Variants in BRD10 observed in about 807,000 individuals in gnomAD.
BRD10 encodes the protein uncharacterized bromodomain-containing protein 10.
the BRD10 span, among the ~76,000 whole-genome samples, chr9:5,941,423 G>T: frequency 2.0e-5 from 3 of 151,936 alleles, no homozygotes; most frequent in African/African-American, 7.3e-5. Flanking sequence ...AAAACTAAAG[G>T]GCTTTGTCAA....
At chr9:5,957,937 A>G in the BRD10 span, among the ~76,000 whole-genome samples, 1 of 152,136 alleles carries the variant, frequency 6.6e-6, no homozygotes, top group East Asian at 1.9e-4. Flanking sequence ...ACTCAACTTG[A>G]TCATATCCCA....
the BRD10 span, among the ~76,000 whole-genome samples, chr9:5,978,382 T>C: frequency 6.9e-6 from 1 of 144,852 alleles, no homozygotes; most frequent in African/African-American, 2.6e-5. Flanking sequence ...TCAAAGACAT[T>C]GCAATTTAGT....
chr9:5,996,879 T>C, the BRD10 span, among the ~76,000 whole-genome samples: 1 of 152,186 alleles, frequency 6.6e-6, no homozygotes, highest in African/African-American at 2.4e-5. Flanking sequence ...GAACAGAAGC[T>C]CTCTAGGTCA....
chr9:5,899,590 G>T, the BRD10 span, among the ~76,000 whole-genome samples: 2 of 152,198 alleles, frequency 1.3e-5, no homozygotes, highest in Non-Finnish European at 1.5e-5. Context: ...GAAAGTTAGG[G>T]ATAGAATTCC....
the BRD10 span, among the ~76,000 whole-genome samples, chr9:5,883,564 C>T: frequency 6.9e-6 from 1 of 144,358 alleles, no homozygotes; most frequent in South Asian, 2.2e-4. Flanking sequence ...CTTGTGGGCT[C>T]AGGTGATCCT....
the BRD10 span, chr9:5,933,820 C>G: frequency 2.1e-6 from 1 of 471,250 alleles, no homozygotes; most frequent in South Asian, 1.5e-5. Flanking sequence ...CAGCATAACA[C>G]TGGCTGGAGT....
At chr9:5,914,409 G>GTTTTTTTTTTTTTTTTTTTTTT in the BRD10 span, among the ~76,000 whole-genome samples, 2 of 106,924 alleles carry the variant, frequency 1.9e-5, 1 homozygote. Flanking sequence ...AAATCCAGAT[G>GTTTTTTTTTTTTTTTTTTTTTT]GTTTTTTTTT....
the BRD10 span, among the ~76,000 whole-genome samples, chr9:5,883,004 TG>T: frequency 6.6e-6 from 1 of 151,834 alleles, no homozygotes. Flanking sequence ...CACCGGGGCC[TG>T]TTGTGGAGTG....
At chr9:5,990,880 A>T in the BRD10 span, among the ~76,000 whole-genome samples, 1 of 152,214 alleles carries the variant, frequency 6.6e-6, no homozygotes, top group African/African-American at 2.4e-5. Context: ...GCTTCTCGGA[A>T]TTTATCCAAC....
chr9:5,942,423 C>T, the BRD10 span, among the ~76,000 whole-genome samples: 10 of 152,050 alleles, frequency 6.6e-5, no homozygotes, highest in African/African-American at 1.9e-4. Context: ...TATAACATAA[C>T]GTAACATAAC....
the BRD10 span, among the ~76,000 whole-genome samples, chr9:5,895,160 G>A: frequency 2.6e-5 from 4 of 152,182 alleles, no homozygotes; most frequent in Admixed American, 2.6e-4. Context: ...GATGGCCAAA[G>A]CTTCCAGCAC....
At chr9:5,935,613 T>C in the BRD10 span, among the ~76,000 whole-genome samples, 1 of 152,222 alleles carries the variant, frequency 6.6e-6, no homozygotes. Flanking sequence ...CAGATCCATA[T>C]ATGCTATCAG....
At chr9:5,947,469 C>G in the BRD10 span, among the ~76,000 whole-genome samples, 6 of 151,866 alleles carry the variant, frequency 4.0e-5, no homozygotes, top group Admixed American at 3.3e-4. Flanking sequence ...ATTAAATGTA[C>G]GATAAGACAA....
the BRD10 span, among the ~76,000 whole-genome samples, chr9:5,883,933 C>T: frequency 5.9e-3 from 896 of 152,274 alleles, 1 homozygote; most frequent in South Asian, 0.013. Context: ...CACACTAGGC[C>T]TCACCCTCCC....
chr9:6,003,293 G>A, the BRD10 span, among the ~76,000 whole-genome samples: 1 of 152,042 alleles, frequency 6.6e-6, no homozygotes, highest in African/African-American at 2.4e-5. Flanking sequence ...AGCCTACATG[G>A]CAATATTCTT....
the BRD10 span, among the ~76,000 whole-genome samples, chr9:5,971,079 A>AAAAAT: frequency 6.9e-6 from 1 of 145,814 alleles, no homozygotes; most frequent in African/African-American, 2.5e-5. Context: ...AAAAAAAAAA[A>AAAAAT]GGAGAAAGAA....
the BRD10 span, among the ~76,000 whole-genome samples, chr9:5,993,821 C>T: frequency 1.3e-5 from 2 of 152,100 alleles, no homozygotes; most frequent in African/African-American, 2.4e-5. Flanking sequence ...GCACAGTGCA[C>T]AAGGGTAGAA....
the BRD10 span, among the ~76,000 whole-genome samples, chr9:5,959,688 A>G: frequency 1.3e-5 from 2 of 152,188 alleles, no homozygotes; most frequent in African/African-American, 4.8e-5. Context: ...AGAACTATAT[A>G]ATAACCTTTT....
chr9:5,998,423 T>C, the BRD10 span, among the ~76,000 whole-genome samples: 2 of 152,158 alleles, frequency 1.3e-5, no homozygotes, highest in Admixed American at 1.3e-4. Context: ...TAATAATCTA[T>C]ATTGCAAATA....
Sources: allele counts gnomAD v4.1 joint callset (sites outside exome capture counted in the v4.1 genomes callset), GRCh38; gene constraint gnomAD v4.1.1; transcripts MANE v1.5; gene names NCBI Gene and HGNC (gene_info 2026-07-23, HGNC 2026-07-21).